The following PAN3 variants were observed in gnomAD, a reference collection of about 807,000 sequenced individuals.
The protein encoded by PAN3 is PAN2-PAN3 deadenylation complex subunit PAN3.
A neutral mutation model predicts 96.2 loss-of-function variants in PAN3; 19 were observed. The observed-to-expected ratio is 0.20, with a 90% CI of 0.14 to 0.29. The LOEUF is 0.29. Ranked by LOEUF, PAN3 falls within the 10% of genes least tolerant of loss-of-function variation. PAN3 has a pLI of 1.00. For synonymous variants in PAN3, 433 were observed against 406.6 expected (o/e 1.06, Z -0.78); for missense variants, 882 against 1,108.1 (o/e 0.80, Z 2.90).
At chr13:28,172,378 C>T (rs1268787219) in intron 1 of PAN3, among the ~76,000 whole-genome samples, 2 of 152,110 alleles carry the variant, frequency 1.3e-5, no homozygotes, top group African/African-American at 2.4e-5. Flanking sequence ...ATGGTGTGAA[C>T]CCAGGGGGCG....
chr13:28,146,837 T>A (rs1870722318), intron 1 of PAN3, among the ~76,000 whole-genome samples: 2 of 152,044 alleles, frequency 1.3e-5, no homozygotes, highest in African/African-American at 4.8e-5. Flanking sequence ...TAGCTGGGCG[T>A]GGTGGAGCAC....
intron 6 of PAN3, among the ~76,000 whole-genome samples, chr13:28,254,217 G>A (rs1366125621): frequency 6.6e-6 from 1 of 152,142 alleles, no homozygotes; most frequent in Non-Finnish European, 1.5e-5. Flanking sequence ...ATCAACCTGA[G>A]TTTGAGTCTT....
chr13:28,282,427 TAAGTG>T (rs1415101733), intron 17 of PAN3, among the ~76,000 whole-genome samples: 2 of 152,166 alleles, frequency 1.3e-5, no homozygotes. Context: ...ATAATTTTTC[TAAGTG>T]AAGAGAACAT....
At chr13:28,184,741 T>G (rs892035508) in intron 4 of PAN3, among the ~76,000 whole-genome samples, 1 of 152,116 alleles carries the variant, frequency 6.6e-6, no homozygotes, top group African/African-American at 2.4e-5. Flanking sequence ...AAAACTTCAT[T>G]TAAATTTGAT....
At chr13:28,253,776 A>T (rs945267949) in intron 6 of PAN3, among the ~76,000 whole-genome samples, 1 of 152,032 alleles carries the variant, frequency 6.6e-6, no homozygotes, top group African/African-American at 2.4e-5. Flanking sequence ...CACTCAGCTT[A>T]CATTTGAATG....
intron 6 of PAN3, among the ~76,000 whole-genome samples, chr13:28,224,063 G>T (rs192895900): frequency 7.3e-4 from 111 of 151,904 alleles, no homozygotes; most frequent in African/African-American, 2.4e-3. Flanking sequence ...AGTAGAGACA[G>T]GGTTTCACCA....
intron 5 of PAN3, among the ~76,000 whole-genome samples, chr13:28,219,785 A>G (rs537995863): frequency 6.6e-6 from 1 of 152,338 alleles, no homozygotes; most frequent in African/African-American, 2.4e-5. Flanking sequence ...ATGATACCAT[A>G]TTATTAGGGA....
intron 5 of PAN3, among the ~76,000 whole-genome samples, chr13:28,207,379 GTCT>G (rs1879500609): frequency 6.6e-6 from 1 of 152,118 alleles, no homozygotes; most frequent in African/African-American, 2.4e-5. Flanking sequence ...CCTGCTTCTA[GTCT>G]TCTTTTTCAA....
intron 6 of PAN3, among the ~76,000 whole-genome samples, chr13:28,248,226 G>A (rs1884392605): frequency 6.6e-6 from 1 of 152,052 alleles, no homozygotes; most frequent in South Asian, 2.1e-4. Context: ...GTTGTTCACT[G>A]TTGGCATATA....
chr13:28,216,450 T>TA (rs1880785139), intron 5 of PAN3, among the ~76,000 whole-genome samples: 2 of 152,292 alleles, frequency 1.3e-5, no homozygotes, highest in African/African-American at 4.8e-5. Flanking sequence ...TGTCAAGAGT[T>TA]ACCAAAGTTT....
intron 4 of PAN3, among the ~76,000 whole-genome samples, chr13:28,190,432 G>T (rs1403546411): frequency 6.6e-6 from 1 of 151,782 alleles, no homozygotes; most frequent in Non-Finnish European, 1.5e-5. Context: ...TGGCGGGGGT[G>T]GGGGTAGAGA....
At chr13:28,194,398 A>ATG (rs1877712770) in intron 4 of PAN3, among the ~76,000 whole-genome samples, 1 of 148,360 alleles carries the variant, frequency 6.7e-6, no homozygotes, top group East Asian at 2.0e-4. Context: ...ATTTACATAT[A>ATG]TGTGTGTGTA....
intron 5 of PAN3, among the ~76,000 whole-genome samples, chr13:28,211,202 G>T (rs1879986125): frequency 6.6e-6 from 1 of 151,838 alleles, no homozygotes; most frequent in Non-Finnish European, 1.5e-5. Flanking sequence ...TGCCTGGCTG[G>T]GTCTCATCTT....
At chr13:28,190,197 G>A (rs1877066035) in intron 4 of PAN3, among the ~76,000 whole-genome samples, 3 of 152,158 alleles carry the variant, frequency 2.0e-5, no homozygotes, top group South Asian at 2.1e-4. Context: ...CGCCCGCGTC[G>A]GCCTCCCAAA....
chr13:28,208,539 G>T lies in PAN3; in HGVS notation c.852+11193G>T, dbSNP rs556844180. ...TATAAGTGTTTCAGATTTTTTTTTT[G>T]GGGGGTATGTTTGAATCCATTTAGT... On this transcript the variant is annotated intron_variant, in intron 5 of 18. Transcript: ENST00000380958. 3.1e-3 allele frequency among the ~76,000 whole-genome samples: 465 copies of T among 151,094 alleles called. 3 individuals carry two copies. Among genetic ancestry groups the T allele is most frequent in the Non-Finnish European group, 3.7e-3 (251 of 67,700 alleles).
intron 6 of PAN3, among the ~76,000 whole-genome samples, chr13:28,224,171 A>G (rs74041596): frequency 0.16 from 24,714 of 152,056 alleles, 3,743 homozygotes; most frequent in African/African-American, 0.41. Context: ...GCGCCCGGCC[A>G]AAAAGTAATT....
At chr13:28,206,339 T>G (rs984465633) in intron 5 of PAN3, among the ~76,000 whole-genome samples, 11 of 138,760 alleles carry the variant, frequency 7.9e-5, no homozygotes, top group Non-Finnish European at 4.8e-5. Flanking sequence ...TTTTTTTTTT[T>G]GAGACAGAGT....
intron 6 of PAN3, among the ~76,000 whole-genome samples, chr13:28,245,391 C>CT (rs541516738): frequency 0.041 from 5,966 of 144,276 alleles, 355 homozygotes; most frequent in African/African-American, 0.14. Context: ...AAGTGGGTTC[C>CT]TTTTTTTTTT....
chr13:28,281,766 C>CTTTTTT (rs10707261), intron 17 of PAN3, among the ~76,000 whole-genome samples: 5 of 114,958 alleles, frequency 4.3e-5, no homozygotes, highest in African/African-American at 6.7e-5. Context: ...TTAAAGCACA[C>CTTTTTT]TTTTTTTTTT....
Sources: gnomAD v4.1 joint callset for allele counts (sites outside exome capture counted in the v4.1 genomes callset) on GRCh38, gnomAD v4.1.1 for gene constraint, MANE v1.5 for transcripts, NCBI Gene and HGNC (gene_info 2026-07-23, HGNC 2026-07-21) for gene names.